AGBL4: variants seen among roughly 807,000 people sequenced by gnomAD.
AGBL4 encodes the protein AGBL carboxypeptidase 4.
In AGBL4, 58 loss-of-function variants were observed where a neutral mutation model predicts 66.4. The observed-to-expected ratio is 0.87, with a 90% CI of 0.71 to 1.09. The LOEUF (loss-of-function observed/expected upper bound fraction) is 1.09, where lower values mean the gene tolerates loss of function less well. Ranked by LOEUF, AGBL4 falls within the 50% of genes least tolerant of loss-of-function variation. AGBL4 has a pLI of 0.00. For missense variants in AGBL4, 579 were observed against 631.0 expected, an observed-to-expected ratio of 0.92 and a Z score of 0.88; for synonymous variants, 234 against 222.9, an observed-to-expected ratio of 1.05 and a Z score of -0.44.
intron 6 of AGBL4, among the ~76,000 whole-genome samples, chr1:48,696,682 G>C (rs750931325): frequency 2.0e-5 from 3 of 152,186 alleles, no homozygotes; most frequent in African/African-American, 4.8e-5. Flanking sequence ...AATATTTCCA[G>C]GAGGGGCTTC....
At chr1:49,803,950 C>T (rs1000336716) in intron 2 of AGBL4, among the ~76,000 whole-genome samples, 3 of 152,092 alleles carry the variant, frequency 2.0e-5, no homozygotes, top group Admixed American at 1.3e-4. Flanking sequence ...GTAACCTATC[C>T]TAAGATGTGT....
At chr1:49,381,638 C>T (rs1301433306) in intron 3 of AGBL4, among the ~76,000 whole-genome samples, 1 of 152,020 alleles carries the variant, frequency 6.6e-6, no homozygotes, top group African/African-American at 2.4e-5. Flanking sequence ...AAATGTGGCA[C>T]ATATACACCA....
intron 6 of AGBL4, chr1:48,776,556 G>A: frequency 7.6e-7 from 1 of 1,314,004 alleles, no homozygotes; most frequent in East Asian, 3.1e-5. Context: ...CCCTCCCGGG[G>A]TCCCAGCCCC....
chr1:49,561,847 G>T (rs1354128293), intron 3 of AGBL4, among the ~76,000 whole-genome samples: 1 of 151,932 alleles, frequency 6.6e-6, no homozygotes, highest in South Asian at 2.1e-4. Flanking sequence ...TGGGTCAAAT[G>T]GTATTTCTAG....
intron 5 of AGBL4, among the ~76,000 whole-genome samples, chr1:48,930,757 C>T (rs941546837): frequency 2.0e-5 from 3 of 152,180 alleles, no homozygotes; most frequent in Non-Finnish European, 4.4e-5. Flanking sequence ...TTTAATCTAA[C>T]TCCATCACTC....
At chr1:49,801,087 A>G (rs1644850008) in intron 2 of AGBL4, among the ~76,000 whole-genome samples, 1 of 152,202 alleles carries the variant, frequency 6.6e-6, no homozygotes. Flanking sequence ...TGCAGCCAAA[A>G]AACACATGAA....
chr1:50,023,403 C>T (rs1662590075), intron 1 of AGBL4, among the ~76,000 whole-genome samples: 1 of 152,192 alleles, frequency 6.6e-6, no homozygotes, highest in African/African-American at 2.4e-5. Flanking sequence ...CATGCTCCCA[C>T]AGGGCAGTGT....
At chr1:48,567,687 TG>T (rs1296209837) in intron 11 of AGBL4, among the ~76,000 whole-genome samples, 2 of 152,128 alleles carry the variant, frequency 1.3e-5, no homozygotes, top group Non-Finnish European at 2.9e-5. Flanking sequence ...GGGGACCTGT[TG>T]GGGGCCTGAA....
chr1:48,950,469 C>G (rs553025401), intron 5 of AGBL4, among the ~76,000 whole-genome samples: 13 of 152,256 alleles, frequency 8.5e-5, no homozygotes, highest in African/African-American at 3.1e-4. Context: ...CATCAGCTAG[C>G]CAAATGTAAG....
At chr1:49,093,151 C>G (rs1645031014) in intron 4 of AGBL4, among the ~76,000 whole-genome samples, 1 of 152,056 alleles carries the variant, frequency 6.6e-6, no homozygotes. Context: ...CTGTAGAGAG[C>G]ATACCATGTT....
At chr1:49,637,219 T>C (rs1645691765) in intron 3 of AGBL4, among the ~76,000 whole-genome samples, 1 of 152,212 alleles carries the variant, frequency 6.6e-6, no homozygotes, top group Non-Finnish European at 1.5e-5. Flanking sequence ...CCTTTAAATA[T>C]ATATGTCTTA....
chr1:48,874,783 G>C (rs1649056643), intron 5 of AGBL4, among the ~76,000 whole-genome samples: 1 of 152,088 alleles, frequency 6.6e-6, no homozygotes, highest in South Asian at 2.1e-4. Context: ...AGGAAAGAGA[G>C]CAGAGATCAT....
At chr1:49,127,004 T>C (rs1645778759) in intron 4 of AGBL4, among the ~76,000 whole-genome samples, 1 of 152,192 alleles carries the variant, frequency 6.6e-6, no homozygotes, top group Non-Finnish European at 1.5e-5. Context: ...CTTAAAGGTA[T>C]GCTTCCAGCC....
At position 49,967,761 on chromosome 1, in the gene AGBL4, A is replaced by C. The variant is rs1307530540; in HGVS notation, c.34+56002T>G. 3.3e-5 allele frequency among the ~76,000 whole-genome samples: 5 copies of C among 152,190 alleles called. No individual in the cohort carries two copies. The South Asian group carries it at 6.2e-4, about 19-fold the overall frequency. Reference sequence around the variant, plus strand: ...CCTTAATATGTATTTCATTTTTGCTAACTCCATAGAGTAAACATCTTGGTT... The same window carrying C: ...CCTTAATATGTATTTCATTTTTGCTCACTCCATAGAGTAAACATCTTGGTT... On this transcript the variant is annotated intron_variant, in intron 1 of 13. Coordinates refer to ENST00000371839, the MANE Select transcript of AGBL4 (RefSeq NM_032785.4).
chr1:49,484,962 G>A (rs972842084), intron 3 of AGBL4, among the ~76,000 whole-genome samples: 3 of 152,018 alleles, frequency 2.0e-5, no homozygotes, highest in African/African-American at 7.2e-5. Flanking sequence ...CATATACATG[G>A]TGGAGTACCA....
chr1:49,245,508 C>T (rs942086569), intron 4 of AGBL4, among the ~76,000 whole-genome samples: 1 of 151,698 alleles, frequency 6.6e-6, no homozygotes, highest in African/African-American at 2.4e-5. Context: ...TGCTGGTCAT[C>T]CCAAGCACAG....
chr1:49,118,269 G>A (rs529099775), intron 4 of AGBL4, among the ~76,000 whole-genome samples: 1 of 152,166 alleles, frequency 6.6e-6, no homozygotes, highest in African/African-American at 2.4e-5. Context: ...TAGGAGTGGT[G>A]AGAGAGAGCA....
intron 3 of AGBL4, among the ~76,000 whole-genome samples, chr1:49,464,986 A>G (rs1455156433): frequency 3.3e-5 from 5 of 151,658 alleles, no homozygotes; most frequent in African/African-American, 1.2e-4. Flanking sequence ...TGAATGAACA[A>G]ACAAATGAAT....
rs1657651013 is a variant in AGBL4, at chr1:49,967,367, C to T, written c.34+56396G>A. Among the ~76,000 whole-genome samples the T allele has an allele frequency of 5.3e-5, 8 of 152,240 alleles. No homozygotes were observed. In the South Asian group the frequency reaches 1.7e-3, roughly 32 times the overall value. ...GATGAGTTCATTTCCTTTGCAGGGA[C>T]ATGGATGAAGCTGGAAACCATCATT... On this transcript the variant is annotated intron_variant, in intron 1 of 13. Coordinates refer to ENST00000371839, the MANE Select transcript of AGBL4 (RefSeq NM_032785.4).
Sources: gnomAD v4.1 joint callset for allele counts (sites outside exome capture counted in the v4.1 genomes callset) on GRCh38, gnomAD v4.1.1 for gene constraint, MANE v1.5 for transcripts, NCBI Gene and HGNC (gene_info 2026-07-23, HGNC 2026-07-21) for gene names.